The following CRAMP1 variants were observed in gnomAD, a reference collection of about 807,000 sequenced individuals.
The protein encoded by CRAMP1 is protein cramped-like.
A neutral mutation model predicts 115.4 loss-of-function variants in CRAMP1; 50 were observed. That is an observed-to-expected ratio of 0.43 (90% confidence interval 0.35 to 0.55). CRAMP1 has a LOEUF of 0.55. Ranked by LOEUF, CRAMP1 falls within the 20% of genes least tolerant of loss-of-function variation. The pLI, the probability that CRAMP1 is intolerant of heterozygous loss-of-function variation, is 0.01. For synonymous variants in CRAMP1, 866 were observed against 745.4 expected, an observed-to-expected ratio of 1.16 and a Z score of -2.64; for missense variants, 1,679 against 1,721.7, an observed-to-expected ratio of 0.98 and a Z score of 0.44.
Position 1,669,459 on chromosome 16 carries a change from C to T in CRAMP1, c.3499+294C>T, listed in dbSNP as rs1319459169. ...GACCCCAGATGCTGGGTTCTGTGTG[C>T]CTTCCCAGTCTGTTCAGCTAGCCCG... On this transcript the variant is annotated intron_variant, in intron 19 of 20. Coordinates refer to ENST00000397412, the MANE Select transcript of CRAMP1 (RefSeq NM_020825.4). This position sits in a 1 kb window ranked among gnomAD's most constrained non-coding sequence, Gnocchi z 4.6. Among the ~76,000 whole-genome samples the T allele has an allele frequency of 6.6e-6, 1 of 152,176 alleles. No homozygotes were observed. Among genetic ancestry groups the T allele is most frequent in the African/African-American group, 2.4e-5 (1 of 41,434 alleles).
At position 1,668,025 on chromosome 16, in the gene CRAMP1, C is replaced by A. The variant is rs777708207; in HGVS notation, c.3166C>A (p.Pro1056Thr). 6.8e-6 allele frequency: 11 copies of A among 1,613,772 alleles called. No homozygotes were observed. The East Asian group carries it at 8.9e-5, about 13-fold the overall frequency. Residue 1056 changes from proline (P) to threonine (T), a missense_variant, in exon 18 of 21, where the codon CCG (proline) becomes ACG (threonine). Pro to Thr is a conservative substitution (Grantham distance 38). Transcript: ENST00000397412. Reference sequence around the variant, plus strand: ...CCCTCTCCAGAATGGCCTCTCCATACCGCTGTCCTCGTCAGAGAGCTCCAG... The same window carrying A: ...CCCTCTCCAGAATGGCCTCTCCATAACGCTGTCCTCGTCAGAGAGCTCCAG... ...KAPLQNGLSI[P>T]LSSSESSSTR...
intron 2 of CRAMP1, among the ~76,000 whole-genome samples, chr16:1,621,863 C>G (rs1386078490): frequency 6.6e-6 from 1 of 152,220 alleles, no homozygotes; most frequent in Non-Finnish European, 1.5e-5. Flanking sequence ...TGGCCTTCTG[C>G]TTTTCGCTGG....
chr16:1,643,542 G>A (rs1221264584), intron 6 of CRAMP1, among the ~76,000 whole-genome samples: 1 of 150,662 alleles, frequency 6.6e-6, no homozygotes, highest in East Asian at 1.9e-4. Context: ...CTTTGTCTAG[G>A]GGAAAGAAAA....
At chr16:1,657,159 G>T (rs917631896) in intron 10 of CRAMP1, among the ~76,000 whole-genome samples, 167 bp downstream of exon 10, 2 of 152,252 alleles carry the variant, frequency 1.3e-5, no homozygotes, top group African/African-American at 4.8e-5. Flanking sequence ...GGAAGTGGGA[G>T]AGGCAGGGAC....
rs1428250819 is a variant in CRAMP1, at chr16:1,675,640, C to A, written c.*1595C>A. On this transcript the variant is annotated 3_prime_UTR_variant, in exon 21 of 21. Coordinates refer to ENST00000397412, the MANE Select transcript of CRAMP1 (RefSeq NM_020825.4). ...GCCAGCCCACCACAGCCACTGTAGA[C>A]CACAGGCAGGCCGTGTACTGCACCA... 2 of 152,342 alleles carry A rather than the reference C, an allele frequency of 1.3e-5. No individual in the cohort carries two copies. The highest frequency in any genetic ancestry group is 4.8e-5 in the African/African-American group (2 of 41,468). 9.4% of individuals were successfully genotyped at this position (152,342 alleles called of 1,614,324 possible).
intron 3 of CRAMP1, among the ~76,000 whole-genome samples, chr16:1,630,202 G>T (rs1241713700): frequency 2.6e-5 from 4 of 152,154 alleles, no homozygotes; most frequent in African/African-American, 7.2e-5. Context: ...AGGCTGGAGT[G>T]CAGGGCTGCC....
intron 5 of CRAMP1, 74 bp from the exon 6 acceptor site, chr16:1,641,065 A>T (rs2036627819): frequency 1.3e-5 from 13 of 1,021,852 alleles, no homozygotes; most frequent in Non-Finnish European, 2.0e-5. Flanking sequence ...ATTGAGCGGA[A>T]TTGTATGGGA....
Position 1,632,220 on chromosome 16 carries a change from A to T in CRAMP1, c.549A>T (p.Lys183Asn). 1 of 1,557,956 alleles carries T rather than the reference A, an allele frequency of 6.4e-7. No homozygotes were observed. Among genetic ancestry groups the T allele is most frequent in the Non-Finnish European group, 8.7e-7 (1 of 1,150,914 alleles). The change falls in exon 4 of 21, where the codon AAA (lysine) becomes AAT (asparagine). Residue 183 changes from lysine to asparagine, a missense_variant. Transcript: ENST00000397412. The stretch of plus-strand genomic sequence containing the variant: ...TGGAATTTATTTTCCAGCATGGGAA[A>T]GACTTTGAAGCGATTCAGAACAACA... ...TFFEGLYEHGKDFEAIQNNIA... is the reference protein window; with the variant it reads ...TFFEGLYEHGNDFEAIQNNIA...
chr16:1,626,177 T>A lies in CRAMP1; in HGVS notation c.540+11T>A, dbSNP rs2036506665. On this transcript the variant is annotated intron_variant, in intron 3 of 20. Coordinates refer to ENST00000397412, the MANE Select transcript of CRAMP1 (RefSeq NM_020825.4). ...GAGGGGCTGTACGAGGTGAGTAGGCTGTGGAGGCACGGCCAGGCAGCCTGG... is the reference window on the plus strand; with the variant it reads ...GAGGGGCTGTACGAGGTGAGTAGGCAGTGGAGGCACGGCCAGGCAGCCTGG... The A allele has an allele frequency of 3.2e-5, 47 of 1,475,404 alleles. No individual in the cohort carries two copies. The highest frequency in any genetic ancestry group is 4.2e-5 in the Non-Finnish European group (47 of 1,106,374). 91.4% of individuals were successfully genotyped at this position (1,475,404 alleles called of 1,614,324 possible).
chr16:1,650,953 T>C (rs2036717356), intron 6 of CRAMP1, among the ~76,000 whole-genome samples: 1 of 152,232 alleles, frequency 6.6e-6, no homozygotes, highest in South Asian at 2.1e-4. Context: ...TTGGTTTTTC[T>C]CTCAGATCAG....
chr16:1,614,997 C>T lies in CRAMP1; in HGVS notation c.346+12C>T, dbSNP rs2036405528. 1.6e-6 allele frequency: 2 copies of T among 1,243,704 alleles called. No individual in the cohort carries two copies. Among genetic ancestry groups the T allele is most frequent in the Non-Finnish European group, 2.0e-6 (2 of 991,578 alleles). 77.0% of individuals were successfully genotyped at this position (1,243,704 alleles called of 1,614,324 possible). A position where few individuals can be genotyped will look rare whatever the true frequency, so the allele number is the denominator to read the frequency against. On this transcript the variant is annotated intron_variant, in intron 2 of 20. Coordinates refer to ENST00000397412, the MANE Select transcript of CRAMP1 (RefSeq NM_020825.4). The surrounding 1 kb of genome is among the most constrained non-coding windows in gnomAD (Gnocchi z 4.4). ...GCCCCGCGGAAAAGGTAGGGCGGCC[C>T]GTCCCCTTGGGAGACCCCAGCCCCT...
intron 3 of CRAMP1, among the ~76,000 whole-genome samples, chr16:1,631,030 GTGTTTCTC>G (rs934296676): frequency 1.7e-4 from 26 of 152,184 alleles, no homozygotes; most frequent in Admixed American, 4.6e-4. Context: ...TGTAAATACC[GTGTTTCTC>G]ATCATTCTTT....
At position 1,666,678 on chromosome 16, in the gene CRAMP1, C is replaced by CAT. The variant is rs2036879421; in HGVS notation, c.3036+78_3036+79insAT. The CAT allele has an allele frequency of 7.6e-7, 1 of 1,323,744 alleles. No homozygotes were observed. The highest frequency in any genetic ancestry group is 1.8e-5 in the Admixed American group (1 of 55,614). 82.0% of individuals were successfully genotyped at this position (1,323,744 alleles called of 1,614,324 possible). On this transcript the variant is annotated intron_variant, in intron 16 of 20. Coordinates refer to ENST00000397412, the MANE Select transcript of CRAMP1 (RefSeq NM_020825.4). The surrounding 1 kb of genome is among the most constrained non-coding windows in gnomAD (Gnocchi z 5.0). ...CGCCAAAGCCATGGGGCTGAGATCA[C>CAT]GCTGGACTCCAGCTCTGCCTTTGGA...
chr16:1,660,446 A>C (rs1407929417), intron 11 of CRAMP1, among the ~76,000 whole-genome samples: 3 of 152,162 alleles, frequency 2.0e-5, no homozygotes, highest in Non-Finnish European at 4.4e-5. Context: ...CAGAATAGAG[A>C]ATCCTTCAGT....
At chr16:1,646,077 C>G (rs77813220) in intron 6 of CRAMP1, among the ~76,000 whole-genome samples, 18 of 152,334 alleles carry the variant, frequency 1.2e-4, no homozygotes, top group African/African-American at 4.1e-4. Context: ...GCCCTCGAGG[C>G]TCTTCCGTGT....
intron 2 of CRAMP1, among the ~76,000 whole-genome samples, chr16:1,620,377 C>T (rs772521015): frequency 2.0e-5 from 3 of 152,144 alleles, no homozygotes; most frequent in African/African-American, 7.2e-5. Flanking sequence ...TGCCCTTCCA[C>T]GAGCGGGTGT....
At chr16:1,649,854 C>T (rs190073800) in intron 6 of CRAMP1, among the ~76,000 whole-genome samples, 75 of 134,158 alleles carry the variant, frequency 5.6e-4, no homozygotes, top group Middle Eastern at 5.9e-3. Context: ...AGTGCAGTGG[C>T]GCAATCTCAG....
chr16:1,673,930 A>AC lies in CRAMP1; in HGVS notation c.3696dup (p.Ile1233HisfsTer6), dbSNP rs1194393482. Reference sequence around the variant, plus strand: ...ATGATGAACGAAAACAGCATTGATTACATTTCTCGGTTCAATGACCTGGCC... The same window carrying AC: ...ATGATGAACGAAAACAGCATTGATTACCATTTCTCGGTTCAATGACCTGGCC... On this transcript the variant is annotated frameshift_variant, in exon 21 of 21. Transcript: ENST00000397412. LOFTEE classifies it high-confidence loss of function. 6.2e-7 allele frequency: 1 copy of AC among 1,613,656 alleles called. No homozygotes were observed. The highest frequency in any genetic ancestry group is 8.5e-7 in the Non-Finnish European group (1 of 1,179,842).
At chr16:1,641,233 G>C in intron 6 of CRAMP1, 46 bp downstream of exon 6, 1 of 1,386,540 alleles carries the variant, frequency 7.2e-7, no homozygotes, top group Non-Finnish European at 1.0e-6. Flanking sequence ...TGGGTGTTTT[G>C]TGTTTATTCT....
Sources: allele counts gnomAD v4.1 joint callset (sites outside exome capture counted in the v4.1 genomes callset), GRCh38; gene constraint gnomAD v4.1.1; non-coding constraint Gnocchi (gnomAD v3.1); transcripts MANE v1.5; gene names NCBI Gene and HGNC (gene_info 2026-07-23, HGNC 2026-07-21).